The following NTF4 variants were observed in gnomAD, a reference collection of about 807,000 sequenced individuals.
The protein encoded by NTF4 is neurotrophin 4, also known as neurotrophin-4.
Under a neutral mutation model 4.4 loss-of-function variants are expected in NTF4, and 2 were observed. The observed-to-expected ratio is 0.46, with a 90% CI of 0.19 to 1.44. NTF4 has a LOEUF of 1.44. NTF4 is among the 40% of genes most tolerant of loss of function. The pLI, the probability that NTF4 is intolerant of heterozygous loss-of-function variation, is 0.26. For missense variants in NTF4, 260 were observed against 293.0 expected, an observed-to-expected ratio of 0.89 and a Z score of 0.82; for synonymous variants, 127 against 122.0, an observed-to-expected ratio of 1.04 and a Z score of -0.27.
downstream of NTF4, chr19:49,058,923 C>A (rs1213077079): frequency 6.6e-6 from 1 of 152,654 alleles, no homozygotes; most frequent in Admixed American, 6.5e-5. Flanking sequence ...ACAGGGACTC[C>A]AAGAGGGGCA....
At chr19:49,058,953 G>C (rs1477972903), downstream of NTF4, 2 of 153,100 alleles carry the variant, frequency 1.3e-5, no homozygotes, top group African/African-American at 4.8e-5. Context: ...ACGGAGTGGG[G>C]GATGGAGAGT....
At chr19:49,060,993 A>C, downstream of NTF4, 1 of 265,824 alleles carries the variant, frequency 3.8e-6, no homozygotes. Flanking sequence ...GTCCCCTCCC[A>C]CTCCCCAGCA....
rs777832037 is a variant in NTF4 at position 49,061,370 on chromosome 19, C to G, written c.628G>C (p.Ala210Pro). The G allele has an allele frequency of 1.2e-6, 2 of 1,612,034 alleles. No individual in the cohort carries two copies. Among genetic ancestry groups the G allele is most frequent in the Non-Finnish European group, 1.7e-6 (2 of 1,180,028 alleles). The change falls in exon 1 of 1, where the codon GCC (alanine) becomes CCC (proline). Residue 210 changes from alanine to proline, a missense_variant. Physicochemically the swap from Ala to Pro is conservative, Grantham distance 27. Coordinates refer to ENST00000593537, the Ensembl canonical transcript of NTF4. This position sits in a 1 kb window ranked among gnomAD's most constrained non-coding sequence, Gnocchi z 4.9. ...TATTTTCCTGGGCATGGGTCTCAGGCCCGGCCAGTCCGGCTGAGGAGTGTG... is the reference window on the plus strand; with the variant it reads ...TATTTTCCTGGGCATGGGTCTCAGGGCCGGCCAGTCCGGCTGAGGAGTGTG...
At chr19:49,064,792 C>T (rs2122238243), upstream of NTF4, 1 of 152,442 alleles carries the variant, frequency 6.6e-6, no homozygotes, top group Admixed American at 6.5e-5. Flanking sequence ...ACTCCGAGAC[C>T]CCTCAGGGGA....
chr19:49,063,316 ATTTTTT>A (rs1205338872), upstream of NTF4, among the ~76,000 whole-genome samples: 1 of 132,854 alleles, frequency 7.5e-6, no homozygotes, highest in African/African-American at 2.8e-5. Context: ...CCCAAACAAA[ATTTTTT>A]TTTTTTTTTT....
Position 49,061,693 on chromosome 19 carries a change from C to A in NTF4, c.305G>T (p.Gly102Val). 1.2e-6 allele frequency: 2 copies of A among 1,613,358 alleles called. No homozygotes were observed. Among genetic ancestry groups the A allele is most frequent in the Non-Finnish European group, 1.7e-6 (2 of 1,179,780 alleles). Reference sequence around the variant, plus strand: ...AGCGGTCCGGCGGTCTGTCACCCAGCCACTGACTGCATCGCACACAGCCAG... The same window carrying A: ...AGCGGTCCGGCGGTCTGTCACCCAGACACTGACTGCATCGCACACAGCCAG... Residue 102 changes from glycine (G) to valine (V), a missense_variant, in exon 1 of 1, where the codon GGC becomes GTC. Physicochemically the swap from Gly to Val is moderately radical, Grantham distance 109. Coordinates refer to ENST00000593537, the Ensembl canonical transcript of NTF4. This position sits in a 1 kb window ranked among gnomAD's most constrained non-coding sequence, Gnocchi z 4.9.
downstream of NTF4, chr19:49,058,663 G>A (rs1398265996): frequency 6.7e-6 from 2 of 297,538 alleles, no homozygotes; most frequent in Non-Finnish European, 1.3e-5. Flanking sequence ...CATGGGTAAC[G>A]TAGCTGCTGG....
At chr19:49,063,110 G>A (rs2040173182), upstream of NTF4, among the ~76,000 whole-genome samples, 1 of 151,642 alleles carries the variant, frequency 6.6e-6, no homozygotes, top group Admixed American at 6.6e-5. Context: ...GGGTTCAAGT[G>A]ATTCTCCTGC....
chr19:49,064,037 A>G (rs190519951), upstream of NTF4: 298 of 153,860 alleles, frequency 1.9e-3, 1 homozygote, highest in African/African-American at 6.5e-3. Context: ...TGGGATGGGA[A>G]GCAGATGGAG....
chr19:49,061,422 C>A lies in NTF4; in HGVS notation c.576G>T (p.Trp192Cys). 1 of 1,613,890 alleles carries A rather than the reference C, an allele frequency of 6.2e-7. No homozygotes were observed. The highest frequency in any genetic ancestry group is 8.5e-7 in the Non-Finnish European group (1 of 1,180,016). Reference sequence around the variant, plus strand: ...AGACGCAGGCAGTGTCAATTCGAATCCATCGCCAGCCCACACGGCCCTGGG... The same window carrying A: ...AGACGCAGGCAGTGTCAATTCGAATACATCGCCAGCCCACACGGCCCTGGG... Residue 192 changes from tryptophan (W) to cysteine (C), a missense_variant, in exon 1 of 1, where the codon TGG (tryptophan) becomes TGT (cysteine). Trp to Cys is a radical substitution (Grantham distance 215). Coordinates refer to ENST00000593537, the Ensembl canonical transcript of NTF4. The surrounding 1 kb of genome is among the most constrained non-coding windows in gnomAD (Gnocchi z 4.9).
At chr19:49,059,202 G>A (rs140060338), downstream of NTF4, among the ~76,000 whole-genome samples, 55 of 152,252 alleles carry the variant, frequency 3.6e-4, no homozygotes, top group African/African-American at 1.3e-3. Context: ...TCGGGGTAAC[G>A]ATTTCCAGAT....
At chr19:49,060,405 T>G (rs1310148967), downstream of NTF4, among the ~76,000 whole-genome samples, 2 of 152,158 alleles carry the variant, frequency 1.3e-5, no homozygotes, top group Admixed American at 6.6e-5. Context: ...AGTCTTGGCT[T>G]ACTGCAACCT....
At chr19:49,064,945 T>A (rs1048380518), upstream of NTF4, 1 of 152,138 alleles carries the variant, frequency 6.6e-6, no homozygotes, top group East Asian at 1.9e-4. Flanking sequence ...GGAGTGGAGA[T>A]CTTACCTGGG....
At chr19:49,062,008 A>G, upstream of NTF4, 1 of 1,448,582 alleles carries the variant, frequency 6.9e-7, no homozygotes, top group Non-Finnish European at 9.1e-7. Flanking sequence ...CTCTCGGAGC[A>G]CCTGGAGACA....
downstream of NTF4, among the ~76,000 whole-genome samples, chr19:49,060,036 CAAAAAAAAAAAAA>C (rs55870191): frequency 7.1e-3 from 202 of 28,404 alleles, 1 homozygote; most frequent in Middle Eastern, 0.05. Context: ...GACTCCATCT[CAAAAAAAAAAAAA>C]AAAAAAAAAA....
chr19:49,062,002 C>A (rs1467713674), upstream of NTF4: 2 of 1,457,306 alleles, frequency 1.4e-6, no homozygotes, highest in African/African-American at 2.8e-5. Context: ...GAGCATCTCT[C>A]GGAGCACCTG....
chr19:49,058,481 T>G, downstream of NTF4: 1 of 587,834 alleles, frequency 1.7e-6, no homozygotes, highest in Non-Finnish European at 2.9e-6. Context: ...CCCTGGCGCC[T>G]CCTCTCTCAG....
At chr19:49,059,554 G>T (rs999104708), downstream of NTF4, among the ~76,000 whole-genome samples, 1 of 152,162 alleles carries the variant, frequency 6.6e-6, no homozygotes, top group East Asian at 1.9e-4. Context: ...ACAAGGAGAC[G>T]TAGAAACTGA....
chr19:49,060,897 G>T (rs530067450), downstream of NTF4: 2 of 187,554 alleles, frequency 1.1e-5, no homozygotes, highest in African/African-American at 2.4e-5. Flanking sequence ...ATACTTAAAG[G>T]CCTTCTGTGG....
Sources: gnomAD v4.1 joint callset for allele counts (sites outside exome capture counted in the v4.1 genomes callset) on GRCh38, gnomAD v4.1.1 for gene constraint, Gnocchi (gnomAD v3.1) non-coding constraint, MANE v1.5 for transcripts, NCBI Gene and HGNC (gene_info 2026-07-23, HGNC 2026-07-21) for gene names.